Variants in TXLNB observed in about 807,000 individuals in gnomAD.
The protein encoded by TXLNB is taxilin beta.
Under a neutral mutation model 57.4 loss-of-function variants are expected in TXLNB, and 37 were observed. The observed-to-expected ratio is 0.64, with a 90% confidence interval of 0.50 to 0.85. TXLNB has a LOEUF of 0.85. TXLNB is among the 40% of genes least tolerant of loss of function. The pLI, the probability that TXLNB is intolerant of heterozygous loss-of-function variation, is 0.00. For missense variants in TXLNB, 848 were observed against 825.6 expected (o/e 1.03, Z -0.33); for synonymous variants, 302 against 309.6 (o/e 0.98, Z 0.26).
chr6:139,313,374 T>C, the TXLNB span, among the ~76,000 whole-genome samples: 1 of 152,146 alleles, frequency 6.6e-6, no homozygotes, highest in African/African-American at 2.4e-5. Context: ...GCCCGGCCTG[T>C]CTTTCTCTTT....
chr6:139,204,067 T>C, the TXLNB span, among the ~76,000 whole-genome samples: 1 of 149,254 alleles, frequency 6.7e-6, no homozygotes, highest in African/African-American at 2.5e-5. Flanking sequence ...TTTTTTTTTT[T>C]CGAGAAGGAG....
chr6:139,258,139 A>G (rs980357166), intron 6 of TXLNB, among the ~76,000 whole-genome samples: 3 of 152,126 alleles, frequency 2.0e-5, no homozygotes, highest in African/African-American at 7.2e-5. Flanking sequence ...ATCGCTTCCA[A>G]AAGGAGGTGC....
At chr6:139,214,179 A>G in the TXLNB span, among the ~76,000 whole-genome samples, 28 of 152,342 alleles carry the variant, frequency 1.8e-4, no homozygotes, top group African/African-American at 6.7e-4. Flanking sequence ...CAACAAAAAA[A>G]GAGAATTTTA....
At chr6:139,318,901 A>ATTAAAGCT in the TXLNB span, among the ~76,000 whole-genome samples, 2 of 149,894 alleles carry the variant, frequency 1.3e-5, no homozygotes, top group Non-Finnish European at 3.0e-5. Context: ...AGTTTAAGAG[A>ATTAAAGCT]TTAAAGCTTT....
intron 5 of TXLNB, among the ~76,000 whole-genome samples, chr6:139,261,420 T>G (rs1016577302): frequency 6.6e-6 from 1 of 152,158 alleles, no homozygotes; most frequent in African/African-American, 2.4e-5. Context: ...CTCAGTTTTG[T>G]GCTTGATAAA....
the TXLNB span, among the ~76,000 whole-genome samples, chr6:139,221,700 T>C: frequency 4.6e-5 from 7 of 152,140 alleles, no homozygotes; most frequent in Non-Finnish European, 8.8e-5. Context: ...AAAAATAAGA[T>C]ACAATGTCTA....
At chr6:139,293,868 C>G (rs1258793536), upstream of TXLNB, among the ~76,000 whole-genome samples, 1 of 152,108 alleles carries the variant, frequency 6.6e-6, no homozygotes, top group East Asian at 1.9e-4. Context: ...GCACTTTCTT[C>G]TAAATTAATG....
Position 139,243,260 on chromosome 6 carries a change from C to G in TXLNB, c.1321G>C (p.Glu441Gln), listed in dbSNP as rs767408954. 5 of 1,613,686 alleles carry G rather than the reference C, an allele frequency of 3.1e-6. No individual in the cohort carries two copies. In the South Asian group the frequency reaches 5.5e-5, roughly 18 times the overall value. The change falls in exon 10 of 10, where the codon GAG (glutamate) becomes CAG (glutamine). Residue 441 changes from glutamate (E) to glutamine (Q), a missense_variant. Coordinates refer to ENST00000358430, the MANE Select transcript of TXLNB (RefSeq NM_153235.4). ...ECFVMKIGRL[E>Q]NLCRALQEER... Reference sequence around the variant, plus strand: ...TCTTGTAAAGCACGGCAGAGGTTCTCTAGCCTCCCGATTTTCATCACAAAG... The same window carrying G: ...TCTTGTAAAGCACGGCAGAGGTTCTGTAGCCTCCCGATTTTCATCACAAAG...
chr6:139,214,053 G>A, the TXLNB span, among the ~76,000 whole-genome samples: 3 of 152,116 alleles, frequency 2.0e-5, no homozygotes, highest in African/African-American at 4.8e-5. Context: ...AGAGGGACAA[G>A]GAGGAGCTGG....
At chr6:139,246,718 C>T (rs538272271) in intron 8 of TXLNB, among the ~76,000 whole-genome samples, 1 of 152,014 alleles carries the variant, frequency 6.6e-6, no homozygotes, top group East Asian at 1.9e-4. Flanking sequence ...AGTTCGAGAC[C>T]AGCCTGACCA....
chr6:139,262,375 C>A (rs1776505118), intron 5 of TXLNB, among the ~76,000 whole-genome samples: 1 of 152,118 alleles, frequency 6.6e-6, no homozygotes, highest in South Asian at 2.1e-4. Flanking sequence ...TGTAGTGATG[C>A]CAGTTTTGAA....
chr6:139,263,215 C>T (rs919728007), intron 4 of TXLNB, among the ~76,000 whole-genome samples: 2 of 152,116 alleles, frequency 1.3e-5, no homozygotes, highest in South Asian at 4.1e-4. Context: ...AAAACCATGG[C>T]ATATTAACCA....
chr6:139,310,688 T>C, the TXLNB span, among the ~76,000 whole-genome samples: 1 of 152,130 alleles, frequency 6.6e-6, no homozygotes, highest in Non-Finnish European at 1.5e-5. Context: ...TGTCATTCTG[T>C]TTTGTTTTGG....
intron 5 of TXLNB, among the ~76,000 whole-genome samples, chr6:139,261,637 A>G (rs1261124514): frequency 1.3e-5 from 2 of 152,074 alleles, no homozygotes; most frequent in African/African-American, 2.4e-5. Flanking sequence ...AACCTATTCA[A>G]AGTAAAAGGC....
At chr6:139,226,123 AC>A in the TXLNB span, among the ~76,000 whole-genome samples, 1 of 151,554 alleles carries the variant, frequency 6.6e-6, no homozygotes, top group African/African-American at 2.4e-5. Flanking sequence ...ACATGGAGAA[AC>A]CCTGTCTCTA....
chr6:139,211,964 A>G, the TXLNB span, among the ~76,000 whole-genome samples: 3 of 152,222 alleles, frequency 2.0e-5, no homozygotes, highest in African/African-American at 7.2e-5. Context: ...AGCCTCCAAG[A>G]AATATGGGAC....
chr6:139,217,623 C>G, the TXLNB span, among the ~76,000 whole-genome samples: 1 of 152,066 alleles, frequency 6.6e-6, no homozygotes, highest in Non-Finnish European at 1.5e-5. Flanking sequence ...AATCCTGGCA[C>G]TTTGGGAGGC....
the TXLNB span, among the ~76,000 whole-genome samples, chr6:139,209,759 A>G: frequency 6.6e-6 from 1 of 152,232 alleles, no homozygotes; most frequent in Non-Finnish European, 1.5e-5. Flanking sequence ...GAAACCATAA[A>G]AATTCTAGAA....
chr6:139,287,867 T>A (rs1777213800), intron 2 of TXLNB, among the ~76,000 whole-genome samples: 1 of 130,294 alleles, frequency 7.7e-6, no homozygotes, highest in African/African-American at 3.5e-5. Context: ...TTAATTTACA[T>A]GTCTTCTGTT....
Sources: gnomAD v4.1 joint callset for allele counts (sites outside exome capture counted in the v4.1 genomes callset) on GRCh38, gnomAD v4.1.1 for gene constraint, MANE v1.5 for transcripts, NCBI Gene and HGNC (gene_info 2026-07-23, HGNC 2026-07-21) for gene names.